Variants in HMBOX1 observed in about 807,000 individuals in gnomAD.
HMBOX1 encodes the protein homeobox-containing protein 1.
In HMBOX1, 14 loss-of-function variants were observed where a neutral mutation model predicts 54.5. The observed-to-expected ratio is 0.26, with a 90% CI of 0.17 to 0.40. The LOEUF is 0.40. HMBOX1 is among the 10% of genes least tolerant of loss of function. The probability of loss-of-function intolerance (pLI) is 1.00; values close to 1 mark genes in which losing one functional copy is unlikely to be tolerated. For missense variants in HMBOX1, 332 were observed against 514.4 expected, an observed-to-expected ratio of 0.65 and a Z score of 3.43; for synonymous variants, 160 against 181.0, an observed-to-expected ratio of 0.88 and a Z score of 0.93.
chr8:28,900,270 AAAT>A (rs1383491220), intron 1 of HMBOX1, among the ~76,000 whole-genome samples: 32 of 58,248 alleles, frequency 5.5e-4, no homozygotes, highest in African/African-American at 1.4e-3. Flanking sequence ...AAAAAAAAAA[AAAT>A]ATATATATAT....
At chr8:29,008,379 A>G (rs559475922) in intron 4 of HMBOX1, among the ~76,000 whole-genome samples, 10 of 152,318 alleles carry the variant, frequency 6.6e-5, no homozygotes, top group African/African-American at 2.4e-4. Flanking sequence ...GAGATAGCAG[A>G]AAACTACTGC....
intron 1 of HMBOX1, among the ~76,000 whole-genome samples, chr8:28,905,652 C>G (rs1465504541): frequency 1.3e-5 from 2 of 152,208 alleles, no homozygotes; most frequent in Non-Finnish European, 2.9e-5. Flanking sequence ...CGGTTCCTTT[C>G]ATGAAATGTA....
Position 29,027,374 on chromosome 8 carries a change from G to A in HMBOX1, c.851+8461G>A, listed in dbSNP as rs181462832. Among the ~76,000 whole-genome samples the A allele has an allele frequency of 3.3e-5, 5 of 152,240 alleles. No homozygotes were observed. In the East Asian group the frequency reaches 9.6e-4, roughly 29 times the overall value. On this transcript the variant is annotated intron_variant, in intron 6 of 9. Coordinates refer to ENST00000287701, the MANE Select transcript of HMBOX1 (RefSeq NM_001135726.3). ...TGAAAGGAGTAGATCTGAAGAGAAGGTTTTTGTCAGAAGTGTTGAAGGCTT... is the reference window on the plus strand; with the variant it reads ...TGAAAGGAGTAGATCTGAAGAGAAGATTTTTGTCAGAAGTGTTGAAGGCTT...
intron 1 of HMBOX1, among the ~76,000 whole-genome samples, chr8:28,934,520 C>G (rs936832555): frequency 5.3e-5 from 8 of 152,208 alleles, no homozygotes; most frequent in African/African-American, 1.9e-4. Context: ...AAAGCTGTCT[C>G]TATTCACAGA....
At chr8:28,914,230 T>C (rs1816083967) in intron 1 of HMBOX1, among the ~76,000 whole-genome samples, 1 of 152,134 alleles carries the variant, frequency 6.6e-6, no homozygotes, top group East Asian at 1.9e-4. Context: ...CCACTTGAGA[T>C]GGGTAAGTTC....
chr8:28,999,659 T>C (rs929632636), intron 4 of HMBOX1, among the ~76,000 whole-genome samples: 1 of 152,134 alleles, frequency 6.6e-6, no homozygotes, highest in Non-Finnish European at 1.5e-5. Flanking sequence ...CCAGTTCATA[T>C]CTACCGTTGA....
intron 1 of HMBOX1, among the ~76,000 whole-genome samples, chr8:28,934,820 G>A (rs755558472): frequency 8.6e-5 from 13 of 151,918 alleles, no homozygotes; most frequent in African/African-American, 2.4e-4. Context: ...CCAGCTACTC[G>A]GAAGGTTGAG....
chr8:29,035,644 G>A (rs1175642385), intron 6 of HMBOX1, among the ~76,000 whole-genome samples: 7 of 152,194 alleles, frequency 4.6e-5, no homozygotes, highest in African/African-American at 1.7e-4. Flanking sequence ...TATGACCTTA[G>A]TTGTCACTCA....
At chr8:29,024,502 A>C (rs1801713774) in intron 6 of HMBOX1, among the ~76,000 whole-genome samples, 1 of 152,172 alleles carries the variant, frequency 6.6e-6, no homozygotes, top group Non-Finnish European at 1.5e-5. Flanking sequence ...TGGACAAGAA[A>C]TCAATCAAGT....
chr8:28,945,645 G>T (rs1822291518), intron 1 of HMBOX1, among the ~76,000 whole-genome samples: 1 of 152,160 alleles, frequency 6.6e-6, no homozygotes, highest in Non-Finnish European at 1.5e-5. Flanking sequence ...ATCATGTAAA[G>T]AATGAATTTT....
At chr8:29,015,411 T>C (rs960007637) in intron 5 of HMBOX1, among the ~76,000 whole-genome samples, 8 of 152,224 alleles carry the variant, frequency 5.3e-5, no homozygotes, top group Non-Finnish European at 4.4e-5. Flanking sequence ...CTGAGTCTTA[T>C]TTCTACCTTT....
chr8:28,999,513 G>A (rs1308898841), intron 4 of HMBOX1, among the ~76,000 whole-genome samples: 1 of 152,022 alleles, frequency 6.6e-6, no homozygotes, highest in African/African-American at 2.4e-5. Context: ...CATTATATGT[G>A]TATGTTGGTA....
chr8:28,970,635 T>C lies in HMBOX1; in HGVS notation c.500+116T>C. On this transcript the variant is annotated intron_variant, in intron 3 of 9. Coordinates refer to ENST00000287701, the MANE Select transcript of HMBOX1 (RefSeq NM_001135726.3). The surrounding 1 kb of genome is among the most constrained non-coding windows in gnomAD (Gnocchi z 4.3). Reference sequence around the variant, plus strand: ...TAAGAACTGTAACTTCCTCTAGCTATAAGAACTGTAACTTCCTCCTCCCAC... The same window carrying C: ...TAAGAACTGTAACTTCCTCTAGCTACAAGAACTGTAACTTCCTCCTCCCAC... 1 of 634,090 alleles carries C rather than the reference T, an allele frequency of 1.6e-6. No homozygotes were observed. Among genetic ancestry groups the C allele is most frequent in the Non-Finnish European group, 2.7e-6 (1 of 368,344 alleles). 39.3% of individuals were successfully genotyped at this position (634,090 alleles called of 1,614,324 possible). A position where few individuals can be genotyped will look rare whatever the true frequency, so the allele number is the denominator to read the frequency against.
intron 4 of HMBOX1, among the ~76,000 whole-genome samples, chr8:28,994,180 A>G (rs1383540436): frequency 1.3e-5 from 2 of 150,076 alleles, no homozygotes; most frequent in Admixed American, 6.6e-5. Flanking sequence ...AAAAAAAAAA[A>G]GGCGGGGGGA....
At chr8:29,034,521 T>C (rs145149198) in intron 6 of HMBOX1, among the ~76,000 whole-genome samples, 359 of 152,334 alleles carry the variant, frequency 2.4e-3, no homozygotes, top group African/African-American at 8.2e-3. Context: ...ATAAGTAGCA[T>C]AATTTTTGGT....
chr8:29,013,240 A>G (rs1265664946), intron 5 of HMBOX1, among the ~76,000 whole-genome samples: 1 of 152,132 alleles, frequency 6.6e-6, no homozygotes, highest in Non-Finnish European at 1.5e-5. Context: ...GGTTCAAGCA[A>G]TTCTCCTGCC....
At position 28,970,603 on chromosome 8, in the gene HMBOX1, T is replaced by TTAGCTATAAGAACTGTAACTTCCTC; in HGVS notation, c.500+110_500+134dup. The stretch of plus-strand genomic sequence containing the variant: ...AAGTAGTATGCTGCGTTTCAGCTAC[T>TTAGCTATAAGAACTGTAACTTCCTC]TAGCTATAAGAACTGTAACTTCCTC... On this transcript the variant is annotated intron_variant, in intron 3 of 9. Transcript: ENST00000287701. The surrounding 1 kb of genome is among the most constrained non-coding windows in gnomAD (Gnocchi z 4.3). The TTAGCTATAAGAACTGTAACTTCCTC allele has an allele frequency of 1.2e-6, 1 of 837,710 alleles. No homozygotes were observed. Among genetic ancestry groups the TTAGCTATAAGAACTGTAACTTCCTC allele is most frequent in the Non-Finnish European group, 1.9e-6 (1 of 532,732 alleles). 51.9% of individuals were successfully genotyped at this position (837,710 alleles called of 1,614,324 possible). A position where few individuals can be genotyped will look rare whatever the true frequency, so the allele number is the denominator to read the frequency against.
At chr8:28,964,097 A>G (rs1201692746) in intron 2 of HMBOX1, among the ~76,000 whole-genome samples, 1 of 152,192 alleles carries the variant, frequency 6.6e-6, no homozygotes, top group South Asian at 2.1e-4. Context: ...TAAATCTATC[A>G]GCCTTCTCTT....
At chr8:28,961,905 TTTTTTTTCTTTTTTC>T (rs1825672664) in intron 1 of HMBOX1, among the ~76,000 whole-genome samples, 1 of 134,824 alleles carries the variant, frequency 7.4e-6, no homozygotes, top group African/African-American at 2.6e-5. Flanking sequence ...TTTTTTTTTT[TTTTTTTTCTTTTTTC>T]TTTTTTTTTT....
Sources: allele counts gnomAD v4.1 joint callset (sites outside exome capture counted in the v4.1 genomes callset), GRCh38; gene constraint gnomAD v4.1.1; non-coding constraint Gnocchi (gnomAD v3.1); transcripts MANE v1.5; gene names NCBI Gene and HGNC (gene_info 2026-07-23, HGNC 2026-07-21).